Variants in DPH6 observed in about 807,000 individuals in gnomAD.
DPH6 encodes the protein diphthine--ammonia ligase.
DPH6 carries 33 observed loss-of-function variants against 38.2 expected under a neutral mutation model. The ratio of observed to expected loss-of-function variants is 0.86; its 90% CI spans 0.65 to 1.15. The LOEUF is 1.15. Among genes scored for constraint, DPH6 ranks in the 50% most tolerant of loss-of-function variants. DPH6 has a pLI of 0.00. For synonymous variants in DPH6, 108 were observed against 103.0 expected (o/e 1.05, Z -0.30); for missense variants, 325 against 320.0 (o/e 1.02, Z -0.12).
intron 3 of DPH6, among the ~76,000 whole-genome samples, chr15:35,290,327 A>C (rs1314764581): frequency 6.6e-6 from 1 of 152,322 alleles, no homozygotes; most frequent in South Asian, 2.1e-4. Flanking sequence ...CGATGTGAAC[A>C]TCATTTCTGC....
Position 35,390,227 on chromosome 15 carries a change from G to A in DPH6, c.568-8311C>T, listed in dbSNP as rs1361172077. ...GAGATATCAGCTGTTAGTCTGATGG[G>A]CTTCCCTTTGTGGGTAACCCGACCT... is the stretch of plus-strand genomic sequence containing the variant. On this transcript the variant is annotated intron_variant, in intron 6 of 8. Transcript: ENST00000256538. 1.3e-5 allele frequency among the ~76,000 whole-genome samples: 2 copies of A among 152,168 alleles called. 1 individual carries two copies. Among genetic ancestry groups the A allele is most frequent in the African/African-American group, 4.8e-5 (2 of 41,430 alleles).
At chr15:35,368,999 A>G (rs572994644), downstream of DPH6, among the ~76,000 whole-genome samples, 64 of 151,988 alleles carry the variant, frequency 4.2e-4, 1 homozygote, top group African/African-American at 1.4e-3. Flanking sequence ...GAATGGACCT[A>G]TAAAAAGAAC....
intron 3 of DPH6, among the ~76,000 whole-genome samples, chr15:35,256,625 A>C (rs1040224191): frequency 2.6e-5 from 4 of 152,192 alleles, no homozygotes; most frequent in African/African-American, 9.7e-5. Context: ...CTTCATTGCT[A>C]ATTAGTAGTG....
chr15:35,395,829 T>G (rs1248373437), intron 6 of DPH6, among the ~76,000 whole-genome samples: 1 of 150,190 alleles, frequency 6.7e-6, no homozygotes, highest in African/African-American at 2.4e-5. Flanking sequence ...TATTTTGTAG[T>G]TCTTATAGCA....
chr15:35,413,228 G>A (rs762559317), intron 5 of DPH6, among the ~76,000 whole-genome samples: 2 of 151,516 alleles, frequency 1.3e-5, no homozygotes, highest in African/African-American at 2.4e-5. Flanking sequence ...ATTTCTGCTC[G>A]AATGAAAGTA....
chr15:35,183,469 C>T, the DPH6 span, among the ~76,000 whole-genome samples: 8 of 152,128 alleles, frequency 5.3e-5, no homozygotes, highest in Non-Finnish European at 7.4e-5. Context: ...CAGAGCTAAA[C>T]GGTAACACTA....
intron 3 of DPH6, among the ~76,000 whole-genome samples, chr15:35,314,920 C>A (rs970475470): frequency 2.6e-5 from 4 of 151,926 alleles, no homozygotes; most frequent in Admixed American, 6.6e-5. Flanking sequence ...GCTCCAAAGC[C>A]ACTTCCTACA....
chr15:35,372,863 C>T (rs2052730992), intron 8 of DPH6, among the ~76,000 whole-genome samples: 1 of 151,916 alleles, frequency 6.6e-6, no homozygotes, highest in Non-Finnish European at 1.5e-5. Context: ...ATTTTCTAAT[C>T]CTTTTCTGTC....
intron 3 of DPH6, among the ~76,000 whole-genome samples, chr15:35,472,471 C>T (rs943223358): frequency 3.3e-5 from 5 of 152,044 alleles, no homozygotes; most frequent in Admixed American, 2.6e-4. Flanking sequence ...TTCCTTGTGC[C>T]CTCCAATCTC....
intron 3 of DPH6, chr15:35,283,028 CCTTCTT>C (rs750202858): frequency 4.5e-4 from 91 of 201,568 alleles, no homozygotes; most frequent in African/African-American, 1.8e-3. Context: ...TCCTCTTCTT[CCTTCTT>C]CTTCTTCTTC....
intron 3 of DPH6, among the ~76,000 whole-genome samples, chr15:35,310,006 T>C (rs2052126936): frequency 6.6e-6 from 1 of 152,142 alleles, no homozygotes; most frequent in Non-Finnish European, 1.5e-5. Flanking sequence ...GAAAACTTTT[T>C]TTTCCCCCTG....
At chr15:35,509,050 T>C (rs12905063) in intron 3 of DPH6, among the ~76,000 whole-genome samples, 94,547 of 152,096 alleles carry the variant, frequency 0.62, 33,436 homozygotes, top group South Asian at 0.82. Context: ...AAGAGCTTGC[T>C]ACACAATGTA....
intron 3 of DPH6, among the ~76,000 whole-genome samples, chr15:35,483,457 C>A (rs192287736): frequency 6.8e-6 from 1 of 148,036 alleles, no homozygotes; most frequent in Non-Finnish European, 1.5e-5. Context: ...GAGCGAGACT[C>A]TGTCTCAAAA....
chr15:35,275,604 A>C (rs1367997890), intron 3 of DPH6, among the ~76,000 whole-genome samples: 1 of 152,082 alleles, frequency 6.6e-6, no homozygotes, highest in Non-Finnish European at 1.5e-5. Flanking sequence ...TAATGCATGC[A>C]GGACTTAAAA....
downstream of DPH6, among the ~76,000 whole-genome samples, chr15:35,369,463 C>T (rs2052690492): frequency 6.6e-6 from 1 of 151,460 alleles, no homozygotes; most frequent in African/African-American, 2.4e-5. Flanking sequence ...GGTAATCATA[C>T]TTCATTTTCT....
At chr15:35,466,494 T>C (rs1160981038) in intron 3 of DPH6, among the ~76,000 whole-genome samples, 7 of 152,122 alleles carry the variant, frequency 4.6e-5, no homozygotes, top group Non-Finnish European at 1.0e-4. Flanking sequence ...GAAACTTACA[T>C]AAACAGGAGT....
the DPH6 span, among the ~76,000 whole-genome samples, chr15:35,178,528 G>GGT: frequency 6.6e-6 from 1 of 152,122 alleles, no homozygotes; most frequent in African/African-American, 2.4e-5. Flanking sequence ...CCTCCCACCA[G>GGT]GTCCCTCCAT....
chr15:35,508,572 A>G (rs2054727089), intron 3 of DPH6, among the ~76,000 whole-genome samples: 1 of 152,156 alleles, frequency 6.6e-6, no homozygotes, highest in African/African-American at 2.4e-5. Context: ...TCATAAAAAT[A>G]CAAATCATAT....
the DPH6 span, among the ~76,000 whole-genome samples, chr15:35,146,305 T>C: frequency 6.6e-6 from 1 of 152,198 alleles, no homozygotes; most frequent in African/African-American, 2.4e-5. Context: ...GACCACAGAA[T>C]GTATTTTAAA....
Sources: allele counts gnomAD v4.1 joint callset (sites outside exome capture counted in the v4.1 genomes callset), GRCh38; gene constraint gnomAD v4.1.1; transcripts MANE v1.5; gene names NCBI Gene and HGNC (gene_info 2026-07-23, HGNC 2026-07-21).